The following QRICH2 variants were observed in gnomAD, a reference collection of about 807,000 sequenced individuals.
QRICH2 encodes the protein glutamine rich 2, also known as glutamine-rich protein 2.
In QRICH2, 119 loss-of-function variants were observed where a neutral mutation model predicts 168.3. The observed-to-expected ratio is 0.71, with a 90% confidence interval of 0.61 to 0.82. The LOEUF (loss-of-function observed/expected upper bound fraction) is 0.82, where lower values mean the gene tolerates loss of function less well. QRICH2 is among the 40% of genes least tolerant of loss of function. The probability of loss-of-function intolerance (pLI) is 0.00; values close to 1 mark genes in which losing one functional copy is unlikely to be tolerated. For synonymous variants in QRICH2, 894 were observed against 951.2 expected (o/e 0.94, Z 1.11); for missense variants, 2,241 against 2,491.6 (o/e 0.90, Z 2.14).
At position 76,298,020 on chromosome 17, in the gene QRICH2, C is replaced by T. The variant is rs562117805; in HGVS notation, c.706-3999G>A. Among the ~76,000 whole-genome samples, 4 of 151,482 alleles carry T rather than the reference C, an allele frequency of 2.6e-5. No homozygotes were observed. The East Asian group carries it at 7.7e-4, about 29-fold the overall frequency. On this transcript the variant is annotated intron_variant, in intron 3 of 18. Coordinates refer to ENST00000680821, the MANE Select transcript of QRICH2 (RefSeq NM_001388453.1). ...GAGTAGATGGGATCACAGGCACGCA[C>T]CACCATGCCCGGCTAATTTTTTGAA... is the stretch of plus-strand genomic sequence containing the variant.
intron 6 of QRICH2, among the ~76,000 whole-genome samples, chr17:76,287,559 G>C (rs750181295): frequency 6.6e-6 from 1 of 152,130 alleles, no homozygotes; most frequent in Non-Finnish European, 1.5e-5. Context: ...CCTCCGACTG[G>C]GGACACAGTC....
In QRICH2 at chr17:76,292,093, C is replaced by T; in HGVS notation, c.2634G>A (p.Gln878=). ...QRGLVQPGVD[Q]RGLVQPGMDQ... ...CCATTCCAGGTTGGACCAAACCACG[C>T]TGATCCACTCCAGGTTGCACCAAAC... The change falls in exon 4 of 19, where the codon CAG becomes CAA. Residue 878 remains glutamine (Q), a synonymous_variant. Transcript: ENST00000680821. The T allele has an allele frequency of 1.2e-6, 2 of 1,613,228 alleles. No homozygotes were observed. The highest frequency in any genetic ancestry group is 1.1e-5 in the South Asian group (1 of 91,074).
chr17:76,274,935 TACCTGG>T (rs894418292), intron 18 of QRICH2, among the ~76,000 whole-genome samples: 4 of 152,150 alleles, frequency 2.6e-5, no homozygotes, highest in African/African-American at 9.7e-5. Flanking sequence ...GCTCCTAAAC[TACCTGG>T]TCTGTGGGGG....
At chr17:76,295,704 C>T (rs563881985) in intron 3 of QRICH2, among the ~76,000 whole-genome samples, 7 of 152,240 alleles carry the variant, frequency 4.6e-5, no homozygotes, top group African/African-American at 1.4e-4. Flanking sequence ...ACTCCATAGA[C>T]AGGAATTTTC....
At chr17:76,287,355 C>G (rs1447698490) in intron 6 of QRICH2, 49 bp from the exon 7 acceptor site, 1 of 1,374,248 alleles carries the variant, frequency 7.3e-7, no homozygotes, top group East Asian at 2.3e-5. Flanking sequence ...AGGCCAGACC[C>G]ATGCAGAGCC....
chr17:76,290,109 G>A (rs556489754), intron 4 of QRICH2, 32 bp from the exon 5 acceptor site: 4 of 1,536,424 alleles, frequency 2.6e-6, no homozygotes, highest in South Asian at 2.3e-5. Flanking sequence ...TGATCAGAGG[G>A]GTTAGATCTC....
In QRICH2 at chr17:76,274,918, A is replaced by G. The variant is rs532193929; in HGVS notation, c.5483-658T>C. 1.7e-4 allele frequency among the ~76,000 whole-genome samples: 26 copies of G among 152,292 alleles called. No individual in the cohort carries two copies. In the East Asian group the frequency reaches 5.0e-3, roughly 29 times the overall value. On this transcript the variant is annotated intron_variant, in intron 18 of 18. Coordinates refer to ENST00000680821, the MANE Select transcript of QRICH2 (RefSeq NM_001388453.1). The stretch of plus-strand genomic sequence containing the variant: ...TACATAGATTGAAAGTGGTTCGTCC[A>G]TGTAAAGCTCCTAAACTACCTGGTC...
chr17:76,279,394 C>CA lies in QRICH2; in HGVS notation c.4782dup (p.Asp1595Ter), dbSNP rs962282218. ...GTCACAGGTGTCTCCAAGGGCCGGTCACATGAGAGGCAGTGGAAATGTGCC... is the reference window on the plus strand; with the variant it reads ...GTCACAGGTGTCTCCAAGGGCCGGTCAACATGAGAGGCAGTGGAAATGTGCC... On this transcript the variant is annotated frameshift_variant, in exon 13 of 19. Transcript: ENST00000680821. LOFTEE classifies it high-confidence loss of function. 6.2e-7 allele frequency: 1 copy of CA among 1,613,046 alleles called. No individual in the cohort carries two copies. The highest frequency in any genetic ancestry group is 1.3e-5 in the African/African-American group (1 of 75,032).
intron 14 of QRICH2, 83 bp from the exon 15 acceptor site, chr17:76,278,272 G>C: frequency 1.4e-6 from 2 of 1,439,744 alleles, no homozygotes; most frequent in Non-Finnish European, 1.9e-6. Flanking sequence ...TTCAGTTCCG[G>C]GTCCCTTTTG....
Position 76,291,709 on chromosome 17 carries a change from T to C in QRICH2, c.3018A>G (p.Pro1006=). 6.2e-7 allele frequency: 1 copy of C among 1,614,206 alleles called. No homozygotes were observed. Among genetic ancestry groups the C allele is most frequent in the African/African-American group, 1.3e-5 (1 of 75,052 alleles). The change falls in exon 4 of 19, where the codon CCA becomes CCG. Residue 1006 remains proline, a synonymous_variant. Coordinates refer to ENST00000680821, the MANE Select transcript of QRICH2 (RefSeq NM_001388453.1). ...CAGGAGGTACCATACCATGTTGATATGGACGTACTGATATAAAACCTGTAG... is the reference window on the plus strand; with the variant it reads ...CAGGAGGTACCATACCATGTTGATACGGACGTACTGATATAAAACCTGTAG... ...ADSTGFISVR[P]YQHGMVPPGR...
chr17:76,277,065 G>A, intron 16 of QRICH2, 98 bp downstream of exon 16: 1 of 1,314,916 alleles, frequency 7.6e-7, no homozygotes, highest in Non-Finnish European at 1.0e-6. Context: ...CCTCAAGGCA[G>A]AGGGCTGGCT....
chr17:76,285,163 C>A (rs1483772856), intron 7 of QRICH2, among the ~76,000 whole-genome samples: 1 of 133,844 alleles, frequency 7.5e-6, no homozygotes, highest in East Asian at 2.0e-4. Context: ...GATGGAGTCT[C>A]GCTTTTTCAC....
intron 15 of QRICH2, 76 bp downstream of exon 15, chr17:76,277,913 C>T (rs1568104229): frequency 2.7e-6 from 4 of 1,501,652 alleles, no homozygotes; most frequent in Non-Finnish European, 3.7e-6. Context: ...AAGGCATTTG[C>T]ACAGCCGTGC....
At chr17:76,274,838 G>C (rs1362677758) in intron 18 of QRICH2, among the ~76,000 whole-genome samples, 1 of 152,194 alleles carries the variant, frequency 6.6e-6, no homozygotes, top group Non-Finnish European at 1.5e-5. Context: ...ACCTCTCTGT[G>C]CCTCAGTTTT....
intron 18 of QRICH2, 70 bp downstream of exon 18, chr17:76,275,749 T>C: frequency 6.4e-7 from 1 of 1,560,272 alleles, no homozygotes; most frequent in South Asian, 1.2e-5. Flanking sequence ...AGGCCCTACA[T>C]GAGCAGGAAA....
rs778760658 is a variant in QRICH2, at chr17:76,293,577, G to T, written c.1150C>A (p.His384Asn). The part of the protein sequence containing the change: ...SSVPASQSQV[H>N]LRPDRRGLEP... ...AACCCACGACGATCTGGCCTTAGATGGACCTGACTCTGGCTAGCGGGCACA... is the reference window on the plus strand; with the variant it reads ...AACCCACGACGATCTGGCCTTAGATTGACCTGACTCTGGCTAGCGGGCACA... Residue 384 changes from histidine (H) to asparagine (N), a missense_variant, in exon 4 of 19, where the codon CAT becomes AAT. His to Asn is a moderately conservative substitution (Grantham distance 68). This residue lies in a region of QRICH2 where 2,047 missense variants were observed against 2,303.8 expected (regional missense o/e 0.89). Coordinates refer to ENST00000680821, the MANE Select transcript of QRICH2 (RefSeq NM_001388453.1). The T allele has an allele frequency of 5.0e-6, 8 of 1,614,080 alleles. No homozygotes were observed. In the East Asian group the frequency reaches 1.6e-4, roughly 31 times the overall value.
In QRICH2 at chr17:76,292,874, C is replaced by T. The variant is rs755754765; in HGVS notation, c.1853G>A (p.Arg618His). The T allele has an allele frequency of 7.5e-6, 12 of 1,592,858 alleles. No homozygotes were observed. Among genetic ancestry groups the T allele is most frequent in the African/African-American group, 6.8e-5 (4 of 58,798 alleles). ...ATCCATTCCAGGCCAGACCAAACCA[C>T]GCTGATCTGCACCAGGTTGGGCCAA... The part of the protein sequence containing the change: ...SGLAQPGADQ[R>H]GLVWPGMDQS... Residue 618 changes from arginine (R) to histidine (H), a missense_variant, in exon 4 of 19, where the codon CGT becomes CAT. Around this residue, in one of 3 missense-constraint regions of QRICH2, gnomAD observed 2,047 missense variants for 2,303.8 expected, o/e 0.89. Transcript: ENST00000680821.
chr17:76,293,702 T>C lies in QRICH2; in HGVS notation c.1025A>G (p.His342Arg). 6.2e-7 allele frequency: 1 copy of C among 1,614,166 alleles called. No homozygotes were observed. The highest frequency in any genetic ancestry group is 1.1e-5 in the South Asian group (1 of 91,080). ...CGAGGTAAGCTTCTCTCTACTCCTG[T>C]GACGATCTGAGTCTGATTTGAATTG... ...TFQFKSDSDR[H>R]RSREKLTSTQ... The change falls in exon 4 of 19, where the codon CAC becomes CGC. Residue 342 changes from histidine (H) to arginine (R), a missense_variant. Around this residue, in one of 3 missense-constraint regions of QRICH2, gnomAD observed 2,047 missense variants for 2,303.8 expected, o/e 0.89. Coordinates refer to ENST00000680821, the MANE Select transcript of QRICH2 (RefSeq NM_001388453.1).
chr17:76,302,632 T>C (rs1188811336), intron 3 of QRICH2, among the ~76,000 whole-genome samples: 2 of 151,986 alleles, frequency 1.3e-5, no homozygotes, highest in Admixed American at 6.5e-5. Flanking sequence ...AGGCTGAAAA[T>C]GACCAGGAAA....
Sources: allele counts gnomAD v4.1 joint callset (sites outside exome capture counted in the v4.1 genomes callset), GRCh38; gene constraint gnomAD v4.1.1; regional missense constraint gnomAD v4.1.1; transcripts MANE v1.5; gene names NCBI Gene and HGNC (gene_info 2026-07-23, HGNC 2026-07-21).